MGAT4C: variants seen among roughly 807,000 people sequenced by gnomAD.
The protein encoded by MGAT4C is alpha-1,3-mannosyl-glycoprotein 4-beta-N-acetylglucosaminyltransferase C.
Under a neutral mutation model 40.1 loss-of-function variants are expected in MGAT4C, and 19 were observed. That is an observed-to-expected ratio of 0.47 (90% CI 0.33 to 0.70). MGAT4C has a LOEUF of 0.70. Ranked by LOEUF, MGAT4C falls within the 30% of genes least tolerant of loss-of-function variation. The pLI, the probability that MGAT4C is intolerant of heterozygous loss-of-function variation, is 0.02. For missense variants in MGAT4C, 491 were observed against 563.2 expected (o/e 0.87, Z 1.30); for synonymous variants, 181 against 187.1 (o/e 0.97, Z 0.27).
intron 1 of MGAT4C, among the ~76,000 whole-genome samples, chr12:86,222,513 A>T (rs1375458177): frequency 6.6e-6 from 1 of 152,148 alleles, no homozygotes; most frequent in Non-Finnish European, 1.5e-5. Context: ...CACCTAAATT[A>T]TACCTTTATA....
intron 1 of MGAT4C, among the ~76,000 whole-genome samples, chr12:86,785,865 C>T (rs1258493989): frequency 2.0e-5 from 3 of 151,830 alleles, no homozygotes; most frequent in Non-Finnish European, 4.4e-5. Flanking sequence ...CCCATTTTCT[C>T]TGTTGATTTA....
At chr12:86,661,461 A>C (rs557157312) in intron 2 of MGAT4C, among the ~76,000 whole-genome samples, 1 of 152,294 alleles carries the variant, frequency 6.6e-6, no homozygotes, top group East Asian at 1.9e-4. Context: ...AACCTATCAA[A>C]TTAATAACCA....
intron 1 of MGAT4C, among the ~76,000 whole-genome samples, chr12:86,155,330 G>A (rs1166276162): frequency 1.3e-5 from 2 of 152,136 alleles, no homozygotes; most frequent in Non-Finnish European, 2.9e-5. Flanking sequence ...CATGTGTGTG[G>A]AAAATGGATG....
chr12:86,233,042 C>G (rs1592528443), intron 1 of MGAT4C, among the ~76,000 whole-genome samples: 1 of 152,118 alleles, frequency 6.6e-6, no homozygotes, highest in East Asian at 1.9e-4. Context: ...TGAAAAGATT[C>G]AATGAGGCAG....
upstream of MGAT4C, among the ~76,000 whole-genome samples, chr12:86,259,191 T>A (rs1592606844): frequency 6.6e-6 from 1 of 152,098 alleles, no homozygotes; most frequent in Non-Finnish European, 1.5e-5. Context: ...TTTTTGTGAT[T>A]TTTTAGTGGT....
intron 1 of MGAT4C, among the ~76,000 whole-genome samples, chr12:86,201,582 T>C (rs1453402659): frequency 6.6e-6 from 1 of 151,172 alleles, no homozygotes; most frequent in Non-Finnish European, 1.5e-5. Context: ...ATTCTTATTA[T>C]AAGAAATCAG....
At chr12:86,476,786 A>G (rs1957842300) in intron 2 of MGAT4C, among the ~76,000 whole-genome samples, 1 of 152,166 alleles carries the variant, frequency 6.6e-6, no homozygotes, top group African/African-American at 2.4e-5. Flanking sequence ...AGCAACATGG[A>G]TGGAACTGGA....
chr12:86,623,056 T>C (rs1347333765), intron 2 of MGAT4C, among the ~76,000 whole-genome samples: 1 of 152,092 alleles, frequency 6.6e-6, no homozygotes, highest in African/African-American at 2.4e-5. Flanking sequence ...GTGAACCTGG[T>C]TCATAGAAAC....
At chr12:86,758,889 G>A (rs1951352105) in intron 1 of MGAT4C, among the ~76,000 whole-genome samples, 1 of 151,894 alleles carries the variant, frequency 6.6e-6, no homozygotes, top group African/African-American at 2.4e-5. Context: ...TTATTTATAT[G>A]AGAATATTAA....
intron 1 of MGAT4C, among the ~76,000 whole-genome samples, chr12:86,178,469 C>T (rs1887741312): frequency 1.3e-5 from 2 of 152,122 alleles, no homozygotes; most frequent in Non-Finnish European, 2.9e-5. Context: ...TTTCTCCTCC[C>T]TGCTTTTGCT....
chr12:86,342,447 A>G (rs1954924916), intron 3 of MGAT4C, among the ~76,000 whole-genome samples: 1 of 152,132 alleles, frequency 6.6e-6, no homozygotes, highest in Non-Finnish European at 1.5e-5. Context: ...CTGCCTATGC[A>G]GTGGAACTGC....
At chr12:86,313,662 A>G (rs879493041) in intron 4 of MGAT4C, among the ~76,000 whole-genome samples, 7 of 152,324 alleles carry the variant, frequency 4.6e-5, no homozygotes, top group Non-Finnish European at 8.8e-5. Flanking sequence ...ATCAATAGAA[A>G]ACAGTTGTTT....
chr12:86,808,680 G>T (rs1334060386), intron 1 of MGAT4C, among the ~76,000 whole-genome samples: 1 of 151,852 alleles, frequency 6.6e-6, no homozygotes, highest in Admixed American at 6.6e-5. Context: ...ATACTGAATA[G>T]GCAAAAACTG....
chr12:86,067,476 A>G (rs898048431), intron 1 of MGAT4C, among the ~76,000 whole-genome samples: 1 of 150,124 alleles, frequency 6.7e-6, no homozygotes, highest in Non-Finnish European at 1.5e-5. Flanking sequence ...CAAACACCAC[A>G]TGTTCTCACT....
intron 2 of MGAT4C, among the ~76,000 whole-genome samples, chr12:86,671,025 G>A (rs1452995667): frequency 6.6e-6 from 1 of 152,082 alleles, no homozygotes; most frequent in Non-Finnish European, 1.5e-5. Context: ...TTCTTGTAGT[G>A]GTATTTCCAT....
chr12:86,695,473 TTTG>T (rs1322308126), intron 2 of MGAT4C, among the ~76,000 whole-genome samples: 1 of 152,208 alleles, frequency 6.6e-6, no homozygotes, highest in Non-Finnish European at 1.5e-5. Flanking sequence ...CACTCCAATA[TTTG>T]TTGTTGCACT....
chr12:85,992,773 G>A (rs996933496), intron 2 of MGAT4C, among the ~76,000 whole-genome samples: 16 of 152,242 alleles, frequency 1.1e-4, no homozygotes, highest in Non-Finnish European at 2.2e-4. Flanking sequence ...CTGTGAATGT[G>A]AGGGCAAATG....
chr12:86,447,865 G>T (rs1451605096), intron 2 of MGAT4C, among the ~76,000 whole-genome samples: 3 of 152,104 alleles, frequency 2.0e-5, no homozygotes, highest in African/African-American at 7.2e-5. Flanking sequence ...CATATACTGT[G>T]TAACATTCCC....
chr12:86,387,469 C>T (rs1363064785), intron 3 of MGAT4C, among the ~76,000 whole-genome samples: 1 of 151,864 alleles, frequency 6.6e-6, no homozygotes, highest in Non-Finnish European at 1.5e-5. Flanking sequence ...TTTTTCTGTA[C>T]AAAATATTAT....
Sources: allele counts gnomAD v4.1 joint callset (sites outside exome capture counted in the v4.1 genomes callset), GRCh38; gene constraint gnomAD v4.1.1; transcripts MANE v1.5; gene names NCBI Gene and HGNC (gene_info 2026-07-23, HGNC 2026-07-21).